SENP5: variants seen among roughly 807,000 people sequenced by gnomAD.
The protein encoded by SENP5 is SUMO specific peptidase 5.
SENP5 carries 21 observed loss-of-function variants against 74.2 expected under a neutral mutation model. The ratio of observed to expected loss-of-function variants is 0.28; its 90% CI spans 0.20 to 0.41. The LOEUF (loss-of-function observed/expected upper bound fraction) is 0.41. SENP5 is among the 10% of genes least tolerant of loss of function. The pLI, the probability that SENP5 is intolerant of heterozygous loss-of-function variation, is 1.00. For missense variants in SENP5, 717 were observed against 889.1 expected (o/e 0.81, Z 2.46); for synonymous variants, 311 against 312.7 (o/e 0.99, Z 0.06).
At chr3:196,869,059 A>G (rs1429622966) in intron 1 of SENP5, among the ~76,000 whole-genome samples, 1 of 151,782 alleles carries the variant, frequency 6.6e-6, no homozygotes, top group Non-Finnish European at 1.5e-5. Flanking sequence ...TTGATGGCAT[A>G]TTATTGGTAT....
intron 1 of SENP5, among the ~76,000 whole-genome samples, chr3:196,878,455 G>A (rs1316226251): frequency 6.6e-6 from 1 of 152,166 alleles, no homozygotes; most frequent in East Asian, 1.9e-4. Flanking sequence ...TATGCTGAAG[G>A]TAGAAACCTC....
At chr3:196,874,283 A>G (rs1461344798) in intron 1 of SENP5, among the ~76,000 whole-genome samples, 1 of 133,482 alleles carries the variant, frequency 7.5e-6, no homozygotes, top group East Asian at 3.0e-4. Context: ...AAACATGTAT[A>G]AGAATCTCCA....
In SENP5 at chr3:196,922,541, C is replaced by T. The variant is rs143165527; in HGVS notation, c.1885-873C>T. 8.0e-3 allele frequency among the ~76,000 whole-genome samples: 1,218 copies of T among 152,340 alleles called. 11 individuals carry two copies. The highest frequency in any genetic ancestry group is 0.014 in the Non-Finnish European group (942 of 68,026). On this transcript the variant is annotated intron_variant, in intron 6 of 9. Transcript: ENST00000323460. ...CATGGCTCACTGCAGCCTCGACCTC[C>T]TGGGCTCAGTGATCCTGCTGCTTCA...
chr3:196,922,647 G>A (rs1332712061), intron 6 of SENP5, among the ~76,000 whole-genome samples: 1 of 152,072 alleles, frequency 6.6e-6, no homozygotes, highest in Non-Finnish European at 1.5e-5. Flanking sequence ...TTGAGACAAG[G>A]TCTGGCTCTG....
At chr3:196,872,634 G>A (rs1436322297) in intron 1 of SENP5, among the ~76,000 whole-genome samples, 1 of 152,100 alleles carries the variant, frequency 6.6e-6, no homozygotes, top group Admixed American at 6.5e-5. Flanking sequence ...TGTGGTTAGT[G>A]GCTACCATAT....
intron 1 of SENP5, among the ~76,000 whole-genome samples, chr3:196,876,681 G>GGTT (rs1455719330): frequency 6.9e-6 from 1 of 145,548 alleles, no homozygotes; most frequent in Admixed American, 7.1e-5. Flanking sequence ...AGGAGTTTAA[G>GGTT]ACCAGTCTGG....
chr3:196,871,534 T>C (rs560154174), intron 1 of SENP5, among the ~76,000 whole-genome samples: 1 of 152,208 alleles, frequency 6.6e-6, no homozygotes, highest in South Asian at 2.1e-4. Flanking sequence ...GAGACTAAAA[T>C]TTTCAAGAAT....
chr3:196,919,178 T>C (rs937403754), intron 6 of SENP5, among the ~76,000 whole-genome samples: 2 of 152,186 alleles, frequency 1.3e-5, no homozygotes, highest in Non-Finnish European at 2.9e-5. Flanking sequence ...ACTTTCATCA[T>C]TGGACTCAAA....
chr3:196,911,038 C>T (rs1250042210), intron 6 of SENP5, among the ~76,000 whole-genome samples: 2 of 152,122 alleles, frequency 1.3e-5, no homozygotes, highest in African/African-American at 2.4e-5. Flanking sequence ...GAAACTGGAC[C>T]CCTTCCTTAC....
chr3:196,902,405 T>C (rs920920704), intron 5 of SENP5, among the ~76,000 whole-genome samples: 4 of 152,218 alleles, frequency 2.6e-5, no homozygotes, highest in Non-Finnish European at 4.4e-5. Flanking sequence ...TTGCTGGGAT[T>C]AGAAGTGTGA....
intron 6 of SENP5, among the ~76,000 whole-genome samples, chr3:196,922,534 C>T (rs185348121): frequency 6.6e-5 from 10 of 152,276 alleles, no homozygotes; most frequent in East Asian, 1.9e-4. Context: ...ACTGCAGCCT[C>T]GACCTCCTGG....
At chr3:196,874,515 C>T (rs1260271256) in intron 1 of SENP5, among the ~76,000 whole-genome samples, 1 of 152,102 alleles carries the variant, frequency 6.6e-6, no homozygotes, top group African/African-American at 2.4e-5. Flanking sequence ...TTTGCTGATA[C>T]CACCTTTACC....
At chr3:196,892,110 GA>G (rs202081408) in intron 2 of SENP5, among the ~76,000 whole-genome samples, 39 of 144,314 alleles carry the variant, frequency 2.7e-4, no homozygotes, top group African/African-American at 5.6e-4. Flanking sequence ...CTTAAAAAAA[GA>G]AAAAAAAAAT....
chr3:196,885,056 C>T (rs1560142052), intron 1 of SENP5, 95 bp from the exon 2 acceptor site: 7 of 687,834 alleles, frequency 1.0e-5, no homozygotes, highest in Non-Finnish European at 2.4e-6. Flanking sequence ...TATATGTACT[C>T]TTTTTTTTTC....
rs144901025 is a variant in SENP5 at position 196,931,503 on chromosome 3, AACTG to A, written c.*585_*588del. On this transcript the variant is annotated 3_prime_UTR_variant, in exon 10 of 10. Transcript: ENST00000323460. Reference sequence around the variant, plus strand: ...GAAGGGTGAGATGGAAGTGGTCGTAAACTGACTGGTGTCTTCTGTTTCTGGAGGC... The same window carrying A: ...GAAGGGTGAGATGGAAGTGGTCGTAAACTGGTGTCTTCTGTTTCTGGAGGC... 7.2e-3 allele frequency: 1,400 copies of A among 194,624 alleles called. 18 individuals are homozygous for A. The highest frequency in any genetic ancestry group is 0.032 in the African/African-American group (1,328 of 41,872). 12.1% of individuals were successfully genotyped at this position (194,624 alleles called of 1,614,324 possible).
intron 6 of SENP5, among the ~76,000 whole-genome samples, chr3:196,908,861 A>G (rs1346883804): frequency 1.3e-5 from 2 of 152,192 alleles, no homozygotes; most frequent in Non-Finnish European, 2.9e-5. Context: ...GGAAATAGAG[A>G]AGCAAGAGCA....
chr3:196,877,756 T>C (rs1713543957), intron 1 of SENP5, among the ~76,000 whole-genome samples: 1 of 152,226 alleles, frequency 6.6e-6, no homozygotes, highest in African/African-American at 2.4e-5. Context: ...TGTTGTGCTC[T>C]CGTGAGTTCT....
intron 6 of SENP5, among the ~76,000 whole-genome samples, chr3:196,909,802 A>G (rs1211425709): frequency 6.6e-5 from 10 of 152,174 alleles, no homozygotes; most frequent in Non-Finnish European, 1.3e-4. Context: ...AGCCAATATC[A>G]GTGGGCAAAA....
chr3:196,915,062 A>G (rs1048091524), intron 6 of SENP5, among the ~76,000 whole-genome samples: 1 of 152,190 alleles, frequency 6.6e-6, no homozygotes, highest in African/African-American at 2.4e-5. Flanking sequence ...GCCAGAGGAG[A>G]ATCTTCCGCC....
Sources: gnomAD v4.1 joint callset for allele counts (sites outside exome capture counted in the v4.1 genomes callset) on GRCh38, gnomAD v4.1.1 for gene constraint, MANE v1.5 for transcripts, NCBI Gene and HGNC (gene_info 2026-07-23, HGNC 2026-07-21) for gene names.